ARPC1A: variants seen among roughly 807,000 people sequenced by gnomAD.
ARPC1A encodes the protein actin related protein 2/3 complex subunit 1A, also known as actin-related protein 2/3 complex subunit 1A.
Under a neutral mutation model 46.9 loss-of-function variants are expected in ARPC1A, and 8 were observed. The ratio of observed to expected loss-of-function variants is 0.17; its 90% CI spans 0.10 to 0.31. ARPC1A has a LOEUF of 0.31. Ranked by LOEUF, ARPC1A falls within the 10% of genes least tolerant of loss-of-function variation. The probability of loss-of-function intolerance (pLI) is 1.00; values close to 1 mark genes in which losing one functional copy is unlikely to be tolerated. For synonymous variants in ARPC1A, 152 were observed against 169.0 expected (o/e 0.90, Z 0.78); for missense variants, 286 against 483.6 (o/e 0.59, Z 3.83).
At chr7:99,346,193 G>A (rs918279013) in intron 4 of ARPC1A, among the ~76,000 whole-genome samples, 2 of 150,336 alleles carry the variant, frequency 1.3e-5, no homozygotes, top group African/African-American at 4.9e-5. Flanking sequence ...TCCAGCCTGG[G>A]CATCAAGAGT....
chr7:99,366,081 A>T lies in ARPC1A; in HGVS notation c.*152A>T. On this transcript the variant is annotated 3_prime_UTR_variant, in exon 10 of 10. Transcript: ENST00000262942. ...TTTTGTTTGAATATAAAATTGGTGA[A>T]AGTGTTGGTTTTTTTAAGGCAGTAA... 1 of 971,334 alleles carries T rather than the reference A, an allele frequency of 1.0e-6. No homozygotes were observed. Among genetic ancestry groups the T allele is most frequent in the Non-Finnish European group, 1.5e-6 (1 of 675,984 alleles). The allele number at this position is 971,334 out of a possible 1,614,324, so 60.2% of individuals were successfully genotyped here.
chr7:99,345,287 T>A (rs1196658047), intron 4 of ARPC1A, among the ~76,000 whole-genome samples: 1 of 152,130 alleles, frequency 6.6e-6, no homozygotes, highest in Non-Finnish European at 1.5e-5. Context: ...GGTGTAATAT[T>A]TTACTTGTTT....
intron 3 of ARPC1A, among the ~76,000 whole-genome samples, chr7:99,342,535 AC>A (rs1300630841): frequency 6.6e-6 from 1 of 151,490 alleles, no homozygotes; most frequent in Admixed American, 6.6e-5. Context: ...ATAAAGTGAG[AC>A]CCTGTCTCAA....
rs142313299 is a variant in ARPC1A at position 99,339,335 on chromosome 7, C to T, written c.169+1050C>T. ...GGCTGAGGCGGGAGGATCGCTTGAA[C>T]CCAGGAATCCAAGACTAGCCTGGGC... On this transcript the variant is annotated intron_variant, in intron 3 of 9. Transcript: ENST00000262942. Among the ~76,000 whole-genome samples, 1,129 of 152,202 alleles carry T rather than the reference C, an allele frequency of 7.4e-3. 14 individuals carry two copies. The highest frequency in any genetic ancestry group is 0.026 in the African/African-American group (1,097 of 41,536).
rs199834556 is a variant in ARPC1A at position 99,364,266 on chromosome 7, CTCTT to C, written c.1074+635_1074+638del. On this transcript the variant is annotated intron_variant, in intron 9 of 9. Transcript: ENST00000262942. ...CACCATGCCAGCCTTGGAGATCTCT[CTCTT>C]TTTTTTTTTTTTTTTTTTTGAGACA... Among the ~76,000 whole-genome samples the C allele has an allele frequency of 6.3e-3, 863 of 136,610 alleles. 6 individuals carry two copies. Among genetic ancestry groups the C allele is most frequent in the African/African-American group, 0.025 (838 of 33,590 alleles). 89.6% of individuals were successfully genotyped at this position (136,610 alleles called of 152,430 possible).
At chr7:99,359,832 C>G in intron 8 of ARPC1A, 94 bp downstream of exon 8, 1 of 1,380,108 alleles carries the variant, frequency 7.2e-7, no homozygotes, top group Non-Finnish European at 1.0e-6. Flanking sequence ...CTCTATGCCC[C>G]TCAGGCCCAG....
At position 99,353,956 on chromosome 7, in the gene ARPC1A, C is replaced by T. The variant is rs1436553465; in HGVS notation, c.548C>T (p.Thr183Met). Reference sequence around the variant, plus strand: ...GAAGTGGATGAAAAGCCAGCCAGCACGCCCTGGGGCAGCAAGATGCCTTTT... The same window carrying T: ...GAAGTGGATGAAAAGCCAGCCAGCATGCCCTGGGGCAGCAAGATGCCTTTT... ...IKEVDEKPAS[T>M]PWGSKMPFGQ... Residue 183 changes from threonine to methionine, a missense_variant, in exon 6 of 10, where the codon ACG becomes ATG. Coordinates refer to ENST00000262942, the MANE Select transcript of ARPC1A (RefSeq NM_006409.4). The T allele has an allele frequency of 3.1e-6, 5 of 1,613,966 alleles. No individual in the cohort carries two copies. Among genetic ancestry groups the T allele is most frequent in the East Asian group, 2.2e-5 (1 of 44,886 alleles).
intron 1 of ARPC1A, among the ~76,000 whole-genome samples, chr7:99,327,492 T>G (rs1793066661): frequency 6.6e-6 from 1 of 150,984 alleles, no homozygotes; most frequent in South Asian, 2.1e-4. Context: ...TTTTTTTTTT[T>G]TGTATTTTTT....
At chr7:99,346,072 G>A (rs1481203404) in intron 4 of ARPC1A, among the ~76,000 whole-genome samples, 1 of 151,874 alleles carries the variant, frequency 6.6e-6, no homozygotes. Flanking sequence ...AAAAATTAAC[G>A]GGGTGTGGTG....
At chr7:99,334,468 C>A (rs991348197) in intron 2 of ARPC1A, among the ~76,000 whole-genome samples, 3 of 152,034 alleles carry the variant, frequency 2.0e-5, no homozygotes, top group Admixed American at 2.0e-4. Flanking sequence ...GTTGCTTGTA[C>A]TTCTGCTGTT....
At chr7:99,329,287 C>T (rs927723385) in intron 1 of ARPC1A, among the ~76,000 whole-genome samples, 10 of 146,352 alleles carry the variant, frequency 6.8e-5, no homozygotes, top group Admixed American at 2.1e-4. Flanking sequence ...GGCGACAGAG[C>T]GAGACTCCGT....
chr7:99,361,461 CAAA>C (rs5886105), intron 8 of ARPC1A, among the ~76,000 whole-genome samples: 22 of 110,184 alleles, frequency 2.0e-4, no homozygotes, highest in Admixed American at 2.8e-4. Flanking sequence ...GATCCTATCT[CAAA>C]AAAAAAAAAA....
intron 7 of ARPC1A, 53 bp downstream of exon 7, chr7:99,358,468 C>T (rs1405642596): frequency 2.0e-6 from 3 of 1,512,672 alleles, no homozygotes; most frequent in Non-Finnish European, 2.8e-6. Flanking sequence ...GATGCTCAGA[C>T]AGGGAACAAT....
chr7:99,339,743 G>C, intron 3 of ARPC1A: 2 of 252,788 alleles, frequency 7.9e-6, no homozygotes, highest in Non-Finnish European at 8.3e-6. Context: ...CTCCACTGAA[G>C]AACATTTAGG....
In ARPC1A at chr7:99,359,658, A is replaced by G. The variant is rs1454245809; in HGVS notation, c.903A>G (p.Glu301=). The G allele has an allele frequency of 6.2e-7, 1 of 1,613,988 alleles. No individual in the cohort carries two copies. The highest frequency in any genetic ancestry group is 8.5e-7 in the Non-Finnish European group (1 of 1,180,044). ...TCCAACGCAACATGTCTGCCATGGA[A>G]CGCTTCCGCAACATGGACAAGAGAG... The part of the protein sequence containing the change: ...QSIQRNMSAM[E]RFRNMDKRAT... The change falls in exon 8 of 10, where the codon GAA becomes GAG. Residue 301 remains glutamate (E), a synonymous_variant. Transcript: ENST00000262942.
intron 6 of ARPC1A, among the ~76,000 whole-genome samples, chr7:99,356,596 ACT>A: frequency 2.9e-5 from 4 of 136,274 alleles, no homozygotes; most frequent in African/African-American, 8.6e-5. Context: ...CAAGAGGAAG[ACT>A]CTGTCTCAAA....
intron 2 of ARPC1A, among the ~76,000 whole-genome samples, chr7:99,334,006 C>T (rs1350297020): frequency 7.5e-5 from 9 of 120,766 alleles, no homozygotes; most frequent in African/African-American, 1.8e-4. Context: ...TGTGTGTGTA[C>T]ACACACACAC....
intron 7 of ARPC1A, among the ~76,000 whole-genome samples, chr7:99,359,089 C>T (rs1393915421): frequency 3.3e-5 from 5 of 151,056 alleles, no homozygotes; most frequent in African/African-American, 9.7e-5. Context: ...CCTTGGCCTC[C>T]TAAAGTGCTG....
chr7:99,344,141 G>A (rs927507138), intron 3 of ARPC1A, 152 bp from the exon 4 acceptor site: 43 of 667,112 alleles, frequency 6.4e-5, no homozygotes, highest in Admixed American at 4.5e-4. Context: ...TCCTTGAGGC[G>A]GTGATCAGGA....
Sources: allele counts gnomAD v4.1 joint callset (sites outside exome capture counted in the v4.1 genomes callset), GRCh38; gene constraint gnomAD v4.1.1; transcripts MANE v1.5; gene names NCBI Gene and HGNC (gene_info 2026-07-23, HGNC 2026-07-21).